SYT16: variants seen among roughly 807,000 people sequenced by gnomAD.
SYT16 encodes synaptotagmin-16.
In SYT16, 42 loss-of-function variants were observed where a neutral mutation model predicts 61.4. The observed-to-expected ratio is 0.68, with a 90% CI of 0.53 to 0.89. The LOEUF is 0.89. SYT16 is among the 40% of genes least tolerant of loss of function. SYT16 has a pLI of 0.00. For missense variants in SYT16, 804 were observed against 807.3 expected, an observed-to-expected ratio of 1.00 and a Z score of 0.05; for synonymous variants, 314 against 302.3, an observed-to-expected ratio of 1.04 and a Z score of -0.40.
At chr14:62,068,206 G>A (rs1412406376) in intron 3 of SYT16, among the ~76,000 whole-genome samples, 1 of 151,902 alleles carries the variant, frequency 6.6e-6, no homozygotes, top group Non-Finnish European at 1.5e-5. Context: ...GCCTTAGAAA[G>A]GAAGGAGATT....
rs548261719 is a variant in SYT16, at chr14:62,075,164, T to G, written c.766T>G (p.Ser256Ala). 6.2e-7 allele frequency: 1 copy of G among 1,612,050 alleles called. No homozygotes were observed. The highest frequency in any genetic ancestry group is 1.3e-5 in the African/African-American group (1 of 75,006). ...GGATGGAGCCAGCCAACGGCGTTATTCTGAGAATCTCTCCTACGGTGAAGA... is the reference window on the plus strand; with the variant it reads ...GGATGGAGCCAGCCAACGGCGTTATGCTGAGAATCTCTCCTACGGTGAAGA... The part of the protein sequence containing the change: ...DLDGASQRRY[S>A]ENLSYGEDDH... The change falls in exon 5 of 8, where the codon TCT becomes GCT. Residue 256 changes from serine to alanine, a missense_variant. By Grantham distance (99) the Ser-to-Ala change is moderately conservative. Coordinates refer to ENST00000683842, the MANE Select transcript of SYT16 (RefSeq NM_001367656.1).
chr14:62,020,860 C>T (rs918852623), intron 3 of SYT16, among the ~76,000 whole-genome samples: 1 of 152,180 alleles, frequency 6.6e-6, no homozygotes, highest in African/African-American at 2.4e-5. Flanking sequence ...CATGCAGCCA[C>T]ATGGCTTCTC....
chr14:62,028,716 A>T, intron 3 of SYT16, among the ~76,000 whole-genome samples: 1 of 152,224 alleles, frequency 6.6e-6, no homozygotes, highest in East Asian at 1.9e-4. Context: ...GAGAGACCAA[A>T]GTCTTATGTT....
At chr14:61,930,684 C>A (rs1414706725) in intron 1 of SYT16, among the ~76,000 whole-genome samples, 2 of 151,952 alleles carry the variant, frequency 1.3e-5, no homozygotes, top group African/African-American at 4.8e-5. Context: ...ATCAACTGGC[C>A]TTTAAATAGG....
At chr14:61,874,425 G>A (rs184397777) in intron 1 of SYT16, among the ~76,000 whole-genome samples, 12 of 152,264 alleles carry the variant, frequency 7.9e-5, no homozygotes, top group Non-Finnish European at 1.3e-4. Flanking sequence ...AGTGTATGTG[G>A]ATTTTTTTAT....
chr14:61,944,807 C>G (rs1182596700), intron 1 of SYT16, among the ~76,000 whole-genome samples: 7 of 152,176 alleles, frequency 4.6e-5, no homozygotes, highest in Non-Finnish European at 1.0e-4. Context: ...CTAGGCAATA[C>G]TATTCAGGAC....
At chr14:61,863,986 A>G (rs972147723) in intron 1 of SYT16, among the ~76,000 whole-genome samples, 4 of 152,204 alleles carry the variant, frequency 2.6e-5, no homozygotes, top group African/African-American at 9.7e-5. Flanking sequence ...TCTTTCACCA[A>G]TGCTACATTG....
chr14:62,090,928 T>C, intron 7 of SYT16, among the ~76,000 whole-genome samples: 1 of 152,104 alleles, frequency 6.6e-6, no homozygotes, highest in East Asian at 1.9e-4. Context: ...TATAAAACCA[T>C]CAGATCTCAT....
intron 1 of SYT16, among the ~76,000 whole-genome samples, chr14:61,966,498 A>G (rs2051320758): frequency 1.3e-5 from 2 of 152,080 alleles, no homozygotes. Context: ...AAAACTTTTT[A>G]ATAAATACAA....
At chr14:61,955,485 C>T (rs2050837110) in intron 1 of SYT16, among the ~76,000 whole-genome samples, 1 of 152,032 alleles carries the variant, frequency 6.6e-6, no homozygotes, top group African/African-American at 2.4e-5. Context: ...ATTCTCTCTG[C>T]TTCTATGTGT....
intron 1 of SYT16, among the ~76,000 whole-genome samples, chr14:61,884,277 C>A (rs961784731): frequency 6.6e-5 from 10 of 152,134 alleles, no homozygotes; most frequent in African/African-American, 2.4e-4. Context: ...ACCCAGCAAT[C>A]CATTCATCAG....
chr14:61,839,715 G>A (rs968916133), intron 1 of SYT16, among the ~76,000 whole-genome samples: 3 of 152,130 alleles, frequency 2.0e-5, no homozygotes, highest in African/African-American at 7.2e-5. Context: ...CATTTGAAAA[G>A]CCAACAAAAT....
At chr14:62,024,271 T>TAGTGTA (rs1343284443) in intron 3 of SYT16, among the ~76,000 whole-genome samples, 1 of 152,070 alleles carries the variant, frequency 6.6e-6, no homozygotes, top group African/African-American at 2.4e-5. Context: ...TGAAAAGTAG[T>TAGTGTA]AGTGTAAATA....
chr14:62,016,539 C>CAAAA (rs10610233), intron 3 of SYT16, among the ~76,000 whole-genome samples: 29 of 97,150 alleles, frequency 3.0e-4, no homozygotes, highest in African/African-American at 5.7e-4. Flanking sequence ...TCTAAAAATA[C>CAAAA]AAAAAAAAAA....
intron 1 of SYT16, among the ~76,000 whole-genome samples, chr14:61,949,553 T>A (rs2050586241): frequency 6.6e-6 from 1 of 152,202 alleles, no homozygotes. Flanking sequence ...ACTCCTGGGC[T>A]CAAAGTGATT....
intron 2 of SYT16, 138 bp from the exon 3 acceptor site, chr14:61,995,738 T>G: frequency 3.1e-6 from 1 of 321,908 alleles, no homozygotes; most frequent in Non-Finnish European, 5.6e-6. Flanking sequence ...TCACAGTCAT[T>G]TTTATGTAAC....
At chr14:61,877,139 G>A (rs559800567) in intron 1 of SYT16, among the ~76,000 whole-genome samples, 12 of 152,260 alleles carry the variant, frequency 7.9e-5, no homozygotes, top group African/African-American at 1.7e-4. Flanking sequence ...GGAGATGATC[G>A]GTTTTCTTCG....
At chr14:61,968,930 C>T (rs2051429676) in intron 1 of SYT16, among the ~76,000 whole-genome samples, 1 of 152,122 alleles carries the variant, frequency 6.6e-6, no homozygotes, top group African/African-American at 2.4e-5. Context: ...GACTATAAAG[C>T]TATTATCTTG....
intron 3 of SYT16, among the ~76,000 whole-genome samples, chr14:62,051,240 G>A (rs922065182): frequency 3.3e-5 from 5 of 152,230 alleles, no homozygotes; most frequent in African/African-American, 7.2e-5. Flanking sequence ...AGCAATGAGC[G>A]AGGCTGTGTC....
Sources: gnomAD v4.1 joint callset for allele counts (sites outside exome capture counted in the v4.1 genomes callset) on GRCh38, gnomAD v4.1.1 for gene constraint, MANE v1.5 for transcripts, NCBI Gene and HGNC (gene_info 2026-07-23, HGNC 2026-07-21) for gene names.